ANKRD16: variants seen among roughly 807,000 people sequenced by gnomAD.
ANKRD16 encodes ankyrin repeat domain-containing protein 16.
In ANKRD16, 35 loss-of-function variants were observed where a neutral mutation model predicts 37.9. That is an observed-to-expected ratio of 0.92 (90% confidence interval 0.71 to 1.23). The LOEUF (loss-of-function observed/expected upper bound fraction) is 1.23, where lower values mean the gene tolerates loss of function less well. Ranked by LOEUF, ANKRD16 falls within the 50% of genes most tolerant of loss-of-function variation. The pLI is 0.00. For synonymous variants in ANKRD16, 206 were observed against 197.2 expected, an observed-to-expected ratio of 1.04 and a Z score of -0.37; for missense variants, 480 against 469.9, an observed-to-expected ratio of 1.02 and a Z score of -0.20.
Position 5,874,896 on chromosome 10 carries a change from G to A in ANKRD16, c.*33+3201C>T, listed in dbSNP as rs562780304. Reference sequence around the variant, plus strand: ...GAGCACGGAGGGCCAGCCTGACAGAGGAGTGCAGAGGCAGAGAAGGAAAAG... The same window carrying A: ...GAGCACGGAGGGCCAGCCTGACAGAAGAGTGCAGAGGCAGAGAAGGAAAAG... On this transcript the variant is annotated intron_variant, in intron 7 of 7. Coordinates refer to ENST00000380094, the MANE Select transcript of ANKRD16 (RefSeq NM_019046.3). The surrounding 1 kb of genome is among the most constrained non-coding windows in gnomAD (Gnocchi z 4.7). 6.6e-6 allele frequency among the ~76,000 whole-genome samples: 1 copy of A among 152,274 alleles called. No homozygotes were observed. Among genetic ancestry groups the A allele is most frequent in the South Asian group, 2.1e-4 (1 of 4,822 alleles).
rs117198509 is a variant in ANKRD16 at position 5,879,569 on chromosome 10, C to A, written c.928+729G>T. On this transcript the variant is annotated intron_variant, in intron 6 of 7. Coordinates refer to ENST00000380094, the MANE Select transcript of ANKRD16 (RefSeq NM_019046.3). Reference sequence around the variant, plus strand: ...AGTCCAAGTCTAAAGAATTTGCTCTCAGCAGATGTTTCTGAATATTCTAAA... The same window carrying A: ...AGTCCAAGTCTAAAGAATTTGCTCTAAGCAGATGTTTCTGAATATTCTAAA... 2.8e-3 allele frequency among the ~76,000 whole-genome samples: 433 copies of A among 152,054 alleles called. 1 individual carries two copies. The highest frequency in any genetic ancestry group is 5.1e-3 in the Non-Finnish European group (348 of 67,988).
chr10:5,882,139 G>A (rs1842327069), intron 5 of ANKRD16, among the ~76,000 whole-genome samples: 1 of 152,176 alleles, frequency 6.6e-6, no homozygotes, highest in African/African-American at 2.4e-5. Context: ...CTACAGTTAA[G>A]GTTCCAGGTT....
At chr10:5,881,689 ATTT>A (rs71388495) in intron 5 of ANKRD16, among the ~76,000 whole-genome samples, 39 of 113,184 alleles carry the variant, frequency 3.4e-4, no homozygotes, top group African/African-American at 4.0e-4. Flanking sequence ...GATGGTCTTG[ATTT>A]TTTTTTTTTT....
chr10:5,881,438 T>TTATAAATAAATATATATATA (rs1422263395), intron 5 of ANKRD16, among the ~76,000 whole-genome samples: 1 of 51,026 alleles, frequency 2.0e-5, no homozygotes, highest in African/African-American at 7.4e-5. Flanking sequence ...AAAATATTAT[T>TTATAAATAAATATATATATA]TATATATATA....
In ANKRD16 at chr10:5,889,070, T is replaced by C. The variant is rs369565697; in HGVS notation, c.285A>G (p.Ala95=). 156 of 1,559,090 alleles carry C rather than the reference T, an allele frequency of 1.0e-4. No individual in the cohort carries two copies. Among genetic ancestry groups the C allele is most frequent in the Middle Eastern group, 7.2e-4 (4 of 5,532 alleles). The change falls in exon 1 of 8, where the codon GCA becomes GCG. Residue 95 remains alanine, a synonymous_variant. Coordinates refer to ENST00000380094, the MANE Select transcript of ANKRD16 (RefSeq NM_019046.3). ...DCVRYLLGRG[A]AVDCLKKADW... is the part of the protein sequence containing the mutation. ...CGGCCTTCTTCAGGCAGTCGACCGC[T>C]GCCCCCCGGCCCAGCAGGTAGCGCA...
At position 5,881,438 on chromosome 10, in the gene ANKRD16, T is replaced by TTATATATATA. The variant is rs869185709; in HGVS notation, c.850-1072_850-1063dup. On this transcript the variant is annotated intron_variant, in intron 5 of 7. Transcript: ENST00000380094. Reference sequence around the variant, plus strand: ...ATATTTTATAAAATAAAAATATTATTTATATATATATATATATATATATAT... The same window carrying TTATATATATA: ...ATATTTTATAAAATAAAAATATTATTTATATATATATATATATATATATATATATATATAT... Among the ~76,000 whole-genome samples the TTATATATATA allele has an allele frequency of 3.8e-3, 194 of 50,880 alleles. 2 individuals are homozygous for TTATATATATA. Among genetic ancestry groups the TTATATATATA allele is most frequent in the African/African-American group, 0.011 (147 of 13,506 alleles). The allele number at this position is 50,880 out of a possible 152,430, so 33.4% of individuals were successfully genotyped here.
Position 5,883,063 on chromosome 10 carries a change from G to A in ANKRD16, c.792C>T (p.Val264=), listed in dbSNP as rs1397605309. Residue 264 remains valine (V), a synonymous_variant, in exon 5 of 8, where the codon GTC becomes GTT. Transcript: ENST00000380094. The stretch of plus-strand genomic sequence containing the variant: ...TTGATGTGGCTCTCACATCTACATC[G>A]ACGCCAAGTTCAGAGACCAAGAATC... The part of the protein sequence containing the change: ...AIRFLVSELG[V]DVDVRATSTH... 5 of 1,613,948 alleles carry A rather than the reference G, an allele frequency of 3.1e-6. No homozygotes were observed. The highest frequency in any genetic ancestry group is 1.6e-4 in the Middle Eastern group (1 of 6,084).
chr10:5,889,076 C>G lies in ANKRD16; in HGVS notation c.279G>C (p.Arg93=). 6.4e-7 allele frequency: 1 copy of G among 1,565,270 alleles called. No individual in the cohort carries two copies. The highest frequency in any genetic ancestry group is 1.1e-5 in the South Asian group (1 of 88,784). Residue 93 remains arginine, a synonymous_variant, in exon 1 of 8, where the codon CGG becomes CGC. Transcript: ENST00000380094. ...HRDCVRYLLG[R]GAAVDCLKKA... is the part of the protein sequence containing the mutation. ...TCTTCAGGCAGTCGACCGCTGCCCC[C>G]CGGCCCAGCAGGTAGCGCACGCAGT...
At chr10:5,867,708 G>A (rs931815776) in intron 7 of ANKRD16, among the ~76,000 whole-genome samples, 2 of 152,108 alleles carry the variant, frequency 1.3e-5, no homozygotes, top group East Asian at 1.9e-4. Flanking sequence ...CTACTTATAG[G>A]GTTAGGAATG....
chr10:5,876,390 G>A (rs1755078757), intron 7 of ANKRD16, among the ~76,000 whole-genome samples: 3 of 152,214 alleles, frequency 2.0e-5, no homozygotes, highest in Admixed American at 2.0e-4. Flanking sequence ...CGCAGCTGCT[G>A]CAAACACAAA....
Position 5,878,402 on chromosome 10 carries a change from C to T in ANKRD16, c.929-115G>A. The T allele has an allele frequency of 5.2e-6, 5 of 969,550 alleles. No individual in the cohort carries two copies. The South Asian group carries it at 9.4e-5, about 18-fold the overall frequency. 60.1% of individuals were successfully genotyped at this position (969,550 alleles called of 1,614,324 possible). On this transcript the variant is annotated intron_variant, in intron 6 of 7. Coordinates refer to ENST00000380094, the MANE Select transcript of ANKRD16 (RefSeq NM_019046.3). This position sits in a 1 kb window ranked among gnomAD's most constrained non-coding sequence, Gnocchi z 5.1. ...AATTCTTTCAATATCTTCCGTAATC[C>T]ATCTTCACAACTTCACCTATACTAG...
intron 1 of ANKRD16, among the ~76,000 whole-genome samples, 170 bp downstream of exon 1, chr10:5,888,869 ATC>A (rs1842513238): frequency 6.6e-6 from 1 of 152,208 alleles, no homozygotes; most frequent in Middle Eastern, 3.2e-3. Context: ...TCTGCAGGTC[ATC>A]TGCGTTATAA....
At chr10:5,887,080 C>T (rs571686319) in intron 2 of ANKRD16, among the ~76,000 whole-genome samples, 1 of 152,288 alleles carries the variant, frequency 6.6e-6, no homozygotes, top group Non-Finnish European at 1.5e-5. Context: ...TTATTTTGTG[C>T]TATGTGCCAA....
chr10:5,866,070 TC>T lies in ANKRD16; in HGVS notation c.*34-3380del, dbSNP rs917793416. On this transcript the variant is annotated intron_variant, in intron 7 of 7. Transcript: ENST00000380094. The surrounding 1 kb of genome is among the most constrained non-coding windows in gnomAD (Gnocchi z 4.3). ...CTATCAAAATAATACAAGGAAAGGA[TC>T]TCACTGTCTGGACTACTCATGATGT... is the stretch of plus-strand genomic sequence containing the variant. Among the ~76,000 whole-genome samples the T allele has an allele frequency of 1.1e-3, 162 of 152,214 alleles. No individual in the cohort carries two copies. Among genetic ancestry groups the T allele is most frequent in the African/African-American group, 3.8e-3 (157 of 41,534 alleles).
At position 5,867,891 on chromosome 10, in the gene ANKRD16, G is replaced by A. The variant is rs576514431; in HGVS notation, c.*34-5200C>T. Among the ~76,000 whole-genome samples the A allele has an allele frequency of 9.2e-5, 14 of 152,316 alleles. No homozygotes were observed. In the South Asian group the frequency reaches 1.4e-3, roughly 16 times the overall value. ...GCAGCAGCGACTCTCCAAAACTGCC[G>A]AGGCTTGGACCTCCTCACTGCTGAG... is the stretch of plus-strand genomic sequence containing the variant. On this transcript the variant is annotated intron_variant, in intron 7 of 7. Coordinates refer to ENST00000380094, the MANE Select transcript of ANKRD16 (RefSeq NM_019046.3).
chr10:5,866,615 T>C lies in ANKRD16; in HGVS notation c.*34-3924A>G, dbSNP rs1465462917. Among the ~76,000 whole-genome samples the C allele has an allele frequency of 6.6e-6, 1 of 152,116 alleles. No homozygotes were observed. Among genetic ancestry groups the C allele is most frequent in the African/African-American group, 2.4e-5 (1 of 41,418 alleles). On this transcript the variant is annotated intron_variant, in intron 7 of 7. Coordinates refer to ENST00000380094, the MANE Select transcript of ANKRD16 (RefSeq NM_019046.3). The surrounding 1 kb of genome is among the most constrained non-coding windows in gnomAD (Gnocchi z 4.3). ...AACCTCTGGGGAACCACATTAAATA[T>C]CACAAGGAAATCATGGAGTTATTGC...
chr10:5,876,070 A>C (rs1214731500), intron 7 of ANKRD16, among the ~76,000 whole-genome samples: 1 of 152,012 alleles, frequency 6.6e-6, no homozygotes, highest in East Asian at 1.9e-4. Flanking sequence ...TTTTAGAAGA[A>C]ACTGGGTTTC....
chr10:5,870,153 G>C lies in ANKRD16; in HGVS notation c.*34-7462C>G, dbSNP rs115046984. On this transcript the variant is annotated intron_variant, in intron 7 of 7. Transcript: ENST00000380094. This position sits in a 1 kb window ranked among gnomAD's most constrained non-coding sequence, Gnocchi z 5.0. ...GCTCCATTAAAAAAACCAAAACATCGATCCACATCCCTCTCCACTGCTTCA... is the reference window on the plus strand; with the variant it reads ...GCTCCATTAAAAAAACCAAAACATCCATCCACATCCCTCTCCACTGCTTCA... Among the ~76,000 whole-genome samples, 1,640 of 151,716 alleles carry C rather than the reference G, an allele frequency of 0.011. 21 individuals are homozygous for C. Among genetic ancestry groups the C allele is most frequent in the African/African-American group, 0.031 (1,269 of 41,322 alleles).
chr10:5,877,940 A>T (rs1842210645), intron 7 of ANKRD16, 157 bp downstream of exon 7: 1 of 711,300 alleles, frequency 1.4e-6, no homozygotes, highest in Non-Finnish European at 2.3e-6. Flanking sequence ...TGTGCCTGTC[A>T]TGGAGCTGGG....
Sources: gnomAD v4.1 joint callset for allele counts (sites outside exome capture counted in the v4.1 genomes callset) on GRCh38, gnomAD v4.1.1 for gene constraint, Gnocchi (gnomAD v3.1) non-coding constraint, MANE v1.5 for transcripts, NCBI Gene and HGNC (gene_info 2026-07-23, HGNC 2026-07-21) for gene names.